The following FTL variants were observed in gnomAD, a reference collection of about 807,000 sequenced individuals.
FTL encodes epididymis secretory sperm binding protein.
In FTL, 17 loss-of-function variants were observed where a neutral mutation model predicts 16.6. The observed-to-expected ratio is 1.02, with a 90% CI of 0.70 to 1.53. FTL has a LOEUF of 1.53. Ranked by LOEUF, FTL falls within the 40% of genes most tolerant of loss-of-function variation. FTL has a pLI of 0.00. For missense variants in FTL, 186 were observed against 226.1 expected (o/e 0.82, Z 1.14); for synonymous variants, 73 against 89.9 (o/e 0.81, Z 1.06).
Position 48,965,617 on chromosome 19 carries a change from C to G in FTL, c.102+8C>G. ...TACACCTACCTCTCTCTGGTGAGTC[C>G]CCAGGACGCCCCTGGCCCTAATTTC... On this transcript the variant is annotated splice_region_variant and intron_variant, in intron 1 of 3. Transcript: ENST00000331825. The G allele has an allele frequency of 1.2e-6, 2 of 1,608,800 alleles. No individual in the cohort carries two copies. Among genetic ancestry groups the G allele is most frequent in the Non-Finnish European group, 1.7e-6 (2 of 1,175,206 alleles).
Position 48,966,805 on chromosome 19 carries a change from C to T in FTL, c.*70C>T, listed in dbSNP as rs1360444291. 7.2e-6 allele frequency: 11 copies of T among 1,528,084 alleles called. No individual in the cohort carries two copies. Among genetic ancestry groups the T allele is most frequent in the African/African-American group, 5.5e-5 (4 of 73,120 alleles). 94.7% of individuals were successfully genotyped at this position (1,528,084 alleles called of 1,614,324 possible). On this transcript the variant is annotated 3_prime_UTR_variant, in exon 4 of 4. Coordinates refer to ENST00000331825, the MANE Select transcript of FTL (RefSeq NM_000146.4). Reference sequence around the variant, plus strand: ...AATAGGGCTTCTGCCTAAGCCTCTCCCTCCAGCCAATAGGCAGCTTTCTTA... The same window carrying T: ...AATAGGGCTTCTGCCTAAGCCTCTCTCTCCAGCCAATAGGCAGCTTTCTTA...
chr19:48,966,643 G>A lies in FTL; in HGVS notation c.436G>A (p.Gly146Ser), dbSNP rs111962558. Residue 146 changes from glycine (G) to serine (S), a missense_variant, in exon 4 of 4, where the codon GGT becomes AGT. Gly to Ser is a moderately conservative substitution (Grantham distance 56). Coordinates refer to ENST00000331825, the MANE Select transcript of FTL (RefSeq NM_000146.4). ...GGAAGTGAAGCTTATCAAGAAGATG[G>A]GTGACCACCTGACCAACCTCCACAG... ...DEEVKLIKKM[G>S]DHLTNLHRLG... 3.7e-5 allele frequency: 59 copies of A among 1,613,800 alleles called. No individual in the cohort carries two copies. Among genetic ancestry groups the A allele is most frequent in the Admixed American group, 5.0e-5 (3 of 59,976 alleles).
Position 48,965,564 on chromosome 19 carries a change from C to T in FTL, c.57C>T (p.Ser19=). 6.2e-7 allele frequency: 1 copy of T among 1,614,086 alleles called. No individual in the cohort carries two copies. The highest frequency in any genetic ancestry group is 1.7e-5 in the Admixed American group (1 of 60,020). Reference sequence around the variant, plus strand: ...CCGACGTGGAGGCAGCCGTCAACAGCCTGGTCAATTTGTACCTGCAGGCCT... The same window carrying T: ...CCGACGTGGAGGCAGCCGTCAACAGTCTGGTCAATTTGTACCTGCAGGCCT... The part of the protein sequence containing the change: ...YSTDVEAAVN[S]LVNLYLQASY... Residue 19 remains serine, a synonymous_variant, in exon 1 of 4, where the codon AGC becomes AGT. Transcript: ENST00000331825.
At chr19:48,965,681 GC>G (rs1472937021) in intron 1 of FTL, 72 bp downstream of exon 1, 5 of 1,607,088 alleles carry the variant, frequency 3.1e-6, no homozygotes, top group African/African-American at 1.3e-5. Flanking sequence ...GCACGCGCCA[GC>G]CTTCTTTGTG....
At chr19:48,966,055 G>A in intron 2 of FTL, 139 bp downstream of exon 2, 1 of 1,268,268 alleles carries the variant, frequency 7.9e-7, no homozygotes, top group Non-Finnish European at 1.1e-6. Flanking sequence ...GCTGGAAATA[G>A]AGGCGCACCT....
intron 2 of FTL, 137 bp from the exon 3 acceptor site, chr19:48,966,144 G>C (rs1473912104): frequency 1.6e-5 from 21 of 1,351,862 alleles, no homozygotes; most frequent in Non-Finnish European, 1.3e-5. Context: ...CTAGGACAGG[G>C]TGCGGAGAGT....
intron 2 of FTL, 38 bp from the exon 3 acceptor site, chr19:48,966,243 A>T: frequency 9.3e-6 from 15 of 1,613,480 alleles, no homozygotes; most frequent in Non-Finnish European, 1.1e-5. Flanking sequence ...CTATGTGCCG[A>T]GTGTGTGTAT....
chr19:48,965,387 C>A lies in FTL; in HGVS notation c.-121C>A. 1.3e-6 allele frequency: 1 copy of A among 743,194 alleles called. No homozygotes were observed. The highest frequency in any genetic ancestry group is 1.4e-5 in the South Asian group (1 of 70,766). 46.0% of individuals were successfully genotyped at this position (743,194 alleles called of 1,614,324 possible). A position where few individuals can be genotyped will look rare whatever the true frequency, so the allele number is the denominator to read the frequency against. Reference sequence around the variant, plus strand: ...ACAGATCCGGGGACTCTCTTCCAGCCTCCGACCGCCCTCCGATTTCCTCTC... The same window carrying A: ...ACAGATCCGGGGACTCTCTTCCAGCATCCGACCGCCCTCCGATTTCCTCTC... On this transcript the variant is annotated 5_prime_UTR_variant, in exon 1 of 4. Coordinates refer to ENST00000331825, the MANE Select transcript of FTL (RefSeq NM_000146.4).
chr19:48,965,764 C>G lies in FTL; in HGVS notation c.103-6C>G. The G allele has an allele frequency of 6.2e-7, 1 of 1,614,138 alleles. No homozygotes were observed. The highest frequency in any genetic ancestry group is 1.1e-5 in the South Asian group (1 of 91,084). On this transcript the variant is annotated splice_region_variant and splice_polypyrimidine_tract_variant and intron_variant, in intron 1 of 3. Transcript: ENST00000331825. ...TAACCATTGTTGCCTCCATCTCTTC[C>G]CGTAGGGCTTCTATTTCGACCGCGA...
chr19:48,965,994 G>A, intron 2 of FTL, 78 bp downstream of exon 2: 1 of 1,548,276 alleles, frequency 6.5e-7, no homozygotes, highest in Non-Finnish European at 8.8e-7. Flanking sequence ...GGGCGTAGGT[G>A]TCGCGTGGGC....
intron 2 of FTL, 86 bp downstream of exon 2, chr19:48,966,002 G>A (rs746300071): frequency 1.3e-6 from 2 of 1,529,636 alleles, no homozygotes; most frequent in African/African-American, 2.7e-5. Flanking sequence ...GTGTCGCGTG[G>A]GCTTCTGGGA....
intron 1 of FTL, 26 bp from the exon 2 acceptor site, chr19:48,965,744 A>T: frequency 6.2e-7 from 1 of 1,613,828 alleles, no homozygotes; most frequent in Non-Finnish European, 8.5e-7. Flanking sequence ...CCCGCTAACC[A>T]TTGTTGCCTC....
chr19:48,966,109 T>C lies in FTL; in HGVS notation c.250-172T>C. On this transcript the variant is annotated intron_variant, in intron 2 of 3. Coordinates refer to ENST00000331825, the MANE Select transcript of FTL (RefSeq NM_000146.4). ...CGCGGCAGTCCACACCGCTGCGTGGTCTTAGGGACGTATAGCTGTAAGAGC... is the reference window on the plus strand; with the variant it reads ...CGCGGCAGTCCACACCGCTGCGTGGCCTTAGGGACGTATAGCTGTAAGAGC... The C allele has an allele frequency of 2.5e-6, 3 of 1,210,596 alleles. No individual in the cohort carries two copies. In the South Asian group the frequency reaches 3.7e-5, roughly 15 times the overall value. The allele number at this position is 1,210,596 out of a possible 1,614,324, so 75.0% of individuals were successfully genotyped here.
chr19:48,965,690 G>A, intron 1 of FTL, 80 bp from the exon 2 acceptor site: 2 of 1,608,584 alleles, frequency 1.2e-6, no homozygotes, highest in African/African-American at 1.3e-5. Flanking sequence ...AGCCTTCTTT[G>A]TGCGGTCGGG....
rs775308103 is a variant in FTL, at chr19:48,966,583, C to G, written c.376C>G (p.Leu126Val). ...ALGSARTDPH[L>V]CDFLETHFLD... is the part of the protein sequence containing the mutation. ...CTAATTTCTCCCTCTTCTCTCTCAG[C>G]TCTGTGACTTCCTGGAGACTCACTT... Residue 126 changes from leucine to valine, a missense_variant and splice_region_variant, in exon 4 of 4, where the codon CTC becomes GTC. By Grantham distance (32) the Leu-to-Val change is conservative. Transcript: ENST00000331825. The G allele has an allele frequency of 1.4e-5, 23 of 1,613,954 alleles. No individual in the cohort carries two copies. The South Asian group carries it at 2.5e-4, about 18-fold the overall frequency.
chr19:48,965,347 C>T lies in FTL; in HGVS notation c.-161C>T, dbSNP rs398124636. 1.5e-6 allele frequency: 1 copy of T among 680,376 alleles called. No individual in the cohort carries two copies. Among genetic ancestry groups the T allele is most frequent in the Non-Finnish European group, 2.7e-6 (1 of 372,012 alleles). The allele number at this position is 680,376 out of a possible 1,614,324, so 42.1% of individuals were successfully genotyped here. ...CCCGCGGGTCTGTCTCTTGCTTCAA[C>T]AGTGTTTGGACGGAACAGATCCGGG... On this transcript the variant is annotated 5_prime_UTR_variant, in exon 1 of 4. Transcript: ENST00000331825.
At chr19:48,966,526 C>T in intron 3 of FTL, 57 bp from the exon 4 acceptor site, 4 of 1,611,566 alleles carry the variant, frequency 2.5e-6, no homozygotes, top group Non-Finnish European at 2.5e-6. Flanking sequence ...CAACTGGCTG[C>T]TCTCTCCCCC....
In FTL at chr19:48,966,397, G is replaced by A. The variant is rs749216475; in HGVS notation, c.366G>A (p.Thr122=). 1.1e-5 allele frequency: 18 copies of A among 1,613,842 alleles called. No homozygotes were observed. Among genetic ancestry groups the A allele is most frequent in the South Asian group, 6.6e-5 (6 of 91,074 alleles). The change falls in exon 3 of 4, where the codon ACG becomes ACA. Residue 122 remains threonine (T), a synonymous_variant. Transcript: ENST00000331825. ...LDLHALGSAR[T]DPHLCDFLET... is the part of the protein sequence containing the mutation. ...TTCATGCCCTGGGTTCTGCCCGCAC[G>A]GACCCCCATGTACGTACCCGCTGCA...
At chr19:48,965,654 C>G in intron 1 of FTL, 45 bp downstream of exon 1, 1 of 1,599,652 alleles carries the variant, frequency 6.3e-7, no homozygotes, top group Non-Finnish European at 8.6e-7. Flanking sequence ...TCCAGCTGCG[C>G]ACCTCCGGCC....
Sources: allele counts gnomAD v4.1 joint callset, GRCh38; gene constraint gnomAD v4.1.1; transcripts MANE v1.5; gene names NCBI Gene and HGNC (gene_info 2026-07-23, HGNC 2026-07-21).